Variants in CAST observed in about 807,000 individuals in gnomAD.
CAST encodes the protein calpastatin.
In CAST, 76 loss-of-function variants were observed where a neutral mutation model predicts 119.6. That is an observed-to-expected ratio of 0.64 (90% CI 0.53 to 0.77). The LOEUF is 0.77. CAST is among the 30% of genes least tolerant of loss of function. The probability of loss-of-function intolerance (pLI) is 0.00; values close to 1 mark genes in which losing one functional copy is unlikely to be tolerated. For missense variants in CAST, 953 were observed against 946.5 expected, an observed-to-expected ratio of 1.01 and a Z score of -0.09; for synonymous variants, 319 against 331.6, an observed-to-expected ratio of 0.96 and a Z score of 0.41.
chr5:96,491,866 G>A, the CAST span, among the ~76,000 whole-genome samples: 8 of 152,174 alleles, frequency 5.3e-5, no homozygotes, highest in Non-Finnish European at 1.2e-4. Context: ...AAACATAATT[G>A]GCGAGAAAGT....
intron 2 of CAST, among the ~76,000 whole-genome samples, chr5:96,689,602 G>A (rs1262827517): frequency 2.0e-5 from 3 of 152,110 alleles, no homozygotes. Flanking sequence ...GCACACACAT[G>A]CGCCTTATGG....
intron 8 of CAST, 115 bp from the exon 9 acceptor site, chr5:96,730,665 T>C (rs1760266214): frequency 1.3e-6 from 1 of 747,278 alleles, no homozygotes; most frequent in African/African-American, 1.7e-5. Flanking sequence ...AACATTCCCT[T>C]ATGGTGTCCG....
the CAST span, among the ~76,000 whole-genome samples, chr5:96,010,410 C>T: frequency 6.6e-6 from 1 of 152,170 alleles, no homozygotes; most frequent in Non-Finnish European, 1.5e-5. Flanking sequence ...CTCCTGGGTT[C>T]AAGTGATTCT....
chr5:96,213,192 A>G, the CAST span, among the ~76,000 whole-genome samples: 5 of 152,122 alleles, frequency 3.3e-5, no homozygotes, highest in African/African-American at 1.2e-4. Flanking sequence ...TTCTCTGCTC[A>G]TAAGTCTATT....
At chr5:96,605,951 C>T (rs1282062500) in intron 1 of CAST, among the ~76,000 whole-genome samples, 1 of 152,136 alleles carries the variant, frequency 6.6e-6, no homozygotes, top group Non-Finnish European at 1.5e-5. Flanking sequence ...TTGAAAGAAG[C>T]TTTTAGAAGT....
the CAST span, among the ~76,000 whole-genome samples, chr5:96,190,965 A>T: frequency 6.6e-6 from 1 of 152,144 alleles, no homozygotes; most frequent in Admixed American, 6.5e-5. Context: ...CCACTTATAA[A>T]TGACAGTATG....
chr5:96,009,888 A>G, the CAST span, among the ~76,000 whole-genome samples: 1 of 152,078 alleles, frequency 6.6e-6, no homozygotes, highest in Non-Finnish European at 1.5e-5. Flanking sequence ...CAAGAAGAGT[A>G]TTTTATAGGT....
rs537250125 is a variant in CAST at position 96,716,536 on chromosome 5, A to G, written c.211-6103A>G. Among the ~76,000 whole-genome samples the G allele has an allele frequency of 2.5e-4, 38 of 152,282 alleles. No homozygotes were observed. The South Asian group carries it at 6.4e-3, about 26-fold the overall frequency. ...TAAGGCTCCGGGGATGGGGATGGGG[A>G]TGGGTGGCAACTCAAACAGGCCTGG... On this transcript the variant is annotated intron_variant, in intron 3 of 31. Coordinates refer to ENST00000675179, the MANE Select transcript of CAST (RefSeq NM_001750.7).
At chr5:96,292,585 A>T in the CAST span, among the ~76,000 whole-genome samples, 1 of 152,180 alleles carries the variant, frequency 6.6e-6, no homozygotes, top group African/African-American at 2.4e-5. Context: ...CCTACTAAAT[A>T]ATGGGTTAAT....
the CAST span, among the ~76,000 whole-genome samples, chr5:95,993,730 C>T: frequency 1.3e-5 from 2 of 152,076 alleles, no homozygotes; most frequent in African/African-American, 2.4e-5. Context: ...CTGCAAAACA[C>T]ATTTGACCAA....
the CAST span, among the ~76,000 whole-genome samples, chr5:96,046,534 A>G: frequency 6.6e-6 from 1 of 152,226 alleles, no homozygotes; most frequent in Non-Finnish European, 1.5e-5. Context: ...GAGGAAAGAC[A>G]TGCCCTAAGT....
chr5:96,395,173 G>C, the CAST span: 2 of 705,690 alleles, frequency 2.8e-6, no homozygotes, highest in Admixed American at 2.2e-5. Flanking sequence ...ATCCACTCTT[G>C]CTATAAAAAT....
intron 27 of CAST, 71 bp from the exon 28 acceptor site, chr5:96,767,367 C>G (rs1201459113): frequency 1.6e-6 from 2 of 1,255,974 alleles, no homozygotes; most frequent in Non-Finnish European, 1.2e-6. Flanking sequence ...ACAATAGATT[C>G]TCTACTGCCT....
At chr5:96,445,040 A>G in the CAST span, among the ~76,000 whole-genome samples, 1 of 152,166 alleles carries the variant, frequency 6.6e-6, no homozygotes, top group African/African-American at 2.4e-5. Flanking sequence ...GATTCCAGAG[A>G]GAAGACTCCC....
the CAST span, among the ~76,000 whole-genome samples, chr5:96,319,947 C>A: frequency 6.7e-6 from 1 of 148,682 alleles, no homozygotes; most frequent in Non-Finnish European, 1.5e-5. Context: ...GGTGTCAACA[C>A]CTTTCCTCAC....
chr5:96,669,318 C>G (rs183471302), intron 1 of CAST, among the ~76,000 whole-genome samples: 1 of 152,260 alleles, frequency 6.6e-6, no homozygotes, highest in East Asian at 1.9e-4. Flanking sequence ...CACATTGTCT[C>G]TTAATTTTTC....
At chr5:96,120,663 C>T in the CAST span, among the ~76,000 whole-genome samples, 1 of 147,216 alleles carries the variant, frequency 6.8e-6, no homozygotes, top group African/African-American at 2.5e-5. Context: ...ATATAATATA[C>T]ATATATAATA....
At chr5:96,408,401 C>A in the CAST span, 1 of 973,744 alleles carries the variant, frequency 1.0e-6, no homozygotes, top group Non-Finnish European at 1.6e-6. Context: ...TTAACTGTAC[C>A]AAAGGCTGCA....
the CAST span, among the ~76,000 whole-genome samples, chr5:96,365,656 T>G: frequency 6.6e-6 from 1 of 152,216 alleles, no homozygotes; most frequent in East Asian, 1.9e-4. Flanking sequence ...CCCCTGCCTT[T>G]TTTTGTTTTC....
Sources: gnomAD v4.1 joint callset for allele counts (sites outside exome capture counted in the v4.1 genomes callset) on GRCh38, gnomAD v4.1.1 for gene constraint, MANE v1.5 for transcripts, NCBI Gene and HGNC (gene_info 2026-07-23, HGNC 2026-07-21) for gene names.